The following FSTL5 variants were observed in gnomAD, a reference collection of about 807,000 sequenced individuals.
FSTL5 encodes follistatin like 5.
Under a neutral mutation model 89.1 loss-of-function variants are expected in FSTL5, and 62 were observed. That is an observed-to-expected ratio of 0.70 (90% CI 0.57 to 0.86). FSTL5 has a LOEUF of 0.86. FSTL5 is among the 40% of genes least tolerant of loss of function. The pLI is 0.00. For synonymous variants in FSTL5, 383 were observed against 346.2 expected (o/e 1.11, Z -1.18); for missense variants, 1,057 against 1,001.6 (o/e 1.06, Z -0.75).
At chr4:161,879,648 A>T (rs2126909222) in intron 4 of FSTL5, among the ~76,000 whole-genome samples, 1 of 152,194 alleles carries the variant, frequency 6.6e-6, no homozygotes, top group Admixed American at 6.5e-5. Context: ...CCACCTCAGA[A>T]CCTTTTCAAG....
chr4:161,543,977 T>C (rs906792005), intron 8 of FSTL5, among the ~76,000 whole-genome samples: 70 of 151,922 alleles, frequency 4.6e-4, no homozygotes, highest in East Asian at 1.9e-4. Context: ...GGAAAAGATA[T>C]TTGAAAATTC....
intron 8 of FSTL5, among the ~76,000 whole-genome samples, chr4:161,556,487 A>G (rs1051235844): frequency 3.3e-5 from 5 of 151,566 alleles, no homozygotes; most frequent in Non-Finnish European, 7.4e-5. Flanking sequence ...TTTTGATTAC[A>G]AGCTATAACT....
At chr4:162,078,658 G>T (rs1729966174) in intron 2 of FSTL5, among the ~76,000 whole-genome samples, 1 of 151,722 alleles carries the variant, frequency 6.6e-6, no homozygotes, top group South Asian at 2.1e-4. Flanking sequence ...AAGGAGGAAT[G>T]CTCCCACTTA....
chr4:161,736,202 A>G (rs1222861748), intron 6 of FSTL5, among the ~76,000 whole-genome samples: 3 of 152,194 alleles, frequency 2.0e-5, no homozygotes, highest in South Asian at 2.1e-4. Flanking sequence ...TTTTCTTACA[A>G]TTACCAAAAT....
intron 1 of FSTL5, among the ~76,000 whole-genome samples, chr4:162,138,615 G>A (rs901128042): frequency 6.6e-6 from 1 of 152,012 alleles, no homozygotes; most frequent in Non-Finnish European, 1.5e-5. Flanking sequence ...GTTTAGGATT[G>A]TACTGGAGTC....
intron 9 of FSTL5, among the ~76,000 whole-genome samples, chr4:161,539,784 T>C (rs1731754208): frequency 6.6e-6 from 1 of 152,034 alleles, no homozygotes; most frequent in African/African-American, 2.4e-5. Flanking sequence ...GCTATCTAGA[T>C]ATGGTCTGTG....
intron 4 of FSTL5, among the ~76,000 whole-genome samples, chr4:161,796,625 T>C (rs1729640606): frequency 6.6e-6 from 1 of 151,696 alleles, no homozygotes; most frequent in Admixed American, 6.6e-5. Flanking sequence ...TTTATGTTCT[T>C]TTTCCAGAAA....
intron 3 of FSTL5, among the ~76,000 whole-genome samples, chr4:161,945,501 C>T (rs1344375127): frequency 1.3e-5 from 2 of 152,180 alleles, no homozygotes; most frequent in Non-Finnish European, 2.9e-5. Context: ...CGCCTGTAAT[C>T]CCAGCACTTT....
chr4:161,802,126 A>G (rs993266363), intron 4 of FSTL5, among the ~76,000 whole-genome samples: 3 of 151,688 alleles, frequency 2.0e-5, no homozygotes, highest in African/African-American at 4.8e-5. Flanking sequence ...ATTGAAAAAC[A>G]ATGGATTATC....
In FSTL5 at chr4:161,587,511, G is replaced by A; in HGVS notation, c.959C>T (p.Thr320Ile). Residue 320 changes from threonine to isoleucine, a missense_variant, in exon 8 of 16, where the codon ACC (threonine) becomes ATC (isoleucine). By Grantham distance (89) the Thr-to-Ile change is moderately conservative. This residue lies in a region of FSTL5 where 980 missense variants were observed against 903.2 expected (regional missense o/e 1.08). Transcript: ENST00000306100. ...KVTTTHVGNY[T>I]CYADGYEQVY... The stretch of plus-strand genomic sequence containing the variant: ...TTGTTCATAGCCATCTGCATAGCAG[G>A]TGTAATTGCCAACGTGAGTTGTGGT... 6.2e-7 allele frequency: 1 copy of A among 1,611,120 alleles called. No homozygotes were observed. The highest frequency in any genetic ancestry group is 1.1e-5 in the South Asian group (1 of 91,022).
chr4:161,644,238 T>C (rs1297908268), intron 7 of FSTL5, among the ~76,000 whole-genome samples: 1 of 151,952 alleles, frequency 6.6e-6, no homozygotes, highest in Non-Finnish European at 1.5e-5. Flanking sequence ...TCAAGAACAG[T>C]AGTAATGGTT....
At chr4:161,434,590 A>G (rs1732490668) in intron 15 of FSTL5, among the ~76,000 whole-genome samples, 1 of 152,118 alleles carries the variant, frequency 6.6e-6, no homozygotes, top group Non-Finnish European at 1.5e-5. Context: ...CAAATTAAAA[A>G]GCTTCTGCAC....
intron 15 of FSTL5, among the ~76,000 whole-genome samples, chr4:161,397,243 T>C (rs1731035738): frequency 1.3e-5 from 2 of 152,118 alleles, no homozygotes. Flanking sequence ...TGTATATGTA[T>C]ATATACATGC....
chr4:161,928,064 A>T (rs554310286), intron 3 of FSTL5, among the ~76,000 whole-genome samples: 1 of 151,906 alleles, frequency 6.6e-6, no homozygotes, highest in African/African-American at 2.4e-5. Context: ...AATCCCTCCA[A>T]GTTTTACCCT....
In FSTL5 at chr4:161,646,437, C is replaced by T. The variant is rs76532169; in HGVS notation, c.894+9891G>A. ...ATCTAGATATGATTTGAGTATATTA[C>T]TTATAATTTGAAGTATAGTACATAT... On this transcript the variant is annotated intron_variant, in intron 7 of 15. Transcript: ENST00000306100. 3.7e-4 allele frequency among the ~76,000 whole-genome samples: 56 copies of T among 151,578 alleles called. 1 individual carries two copies. The East Asian group carries it at 7.0e-3, about 19-fold the overall frequency.
At chr4:161,858,021 A>G (rs1320943302) in intron 4 of FSTL5, among the ~76,000 whole-genome samples, 1 of 152,146 alleles carries the variant, frequency 6.6e-6, no homozygotes, top group African/African-American at 2.4e-5. Flanking sequence ...TTAAATTCAT[A>G]TGTTGAAAGC....
At chr4:161,930,680 G>T (rs931978259) in intron 3 of FSTL5, among the ~76,000 whole-genome samples, 1 of 151,872 alleles carries the variant, frequency 6.6e-6, no homozygotes, top group East Asian at 1.9e-4. Context: ...AAATCAGGAT[G>T]CAAAGCGCTC....
At chr4:161,862,016 T>C (rs539954707) in intron 4 of FSTL5, among the ~76,000 whole-genome samples, 2 of 152,300 alleles carry the variant, frequency 1.3e-5, no homozygotes, top group South Asian at 2.1e-4. Context: ...AACTGTAATA[T>C]TGAGATCAAA....
chr4:162,001,537 T>C (rs1004557839), intron 3 of FSTL5, among the ~76,000 whole-genome samples: 4 of 152,110 alleles, frequency 2.6e-5, no homozygotes, highest in African/African-American at 9.7e-5. Flanking sequence ...AGCAGATTTA[T>C]ATGTTGTGAG....
Sources: allele counts gnomAD v4.1 joint callset (sites outside exome capture counted in the v4.1 genomes callset), GRCh38; gene constraint gnomAD v4.1.1; regional missense constraint gnomAD v4.1.1; transcripts MANE v1.5; gene names NCBI Gene and HGNC (gene_info 2026-07-23, HGNC 2026-07-21).